NCAM1: variants seen among roughly 807,000 people sequenced by gnomAD.
NCAM1 encodes the protein antigen recognized by monoclonal antibody 5.1H11.
NCAM1 carries 14 observed loss-of-function variants against 109.8 expected under a neutral mutation model. The observed-to-expected ratio is 0.13, with a 90% CI of 0.08 to 0.20. NCAM1 has a LOEUF of 0.20. Among genes scored for constraint, NCAM1 ranks in the 10% least tolerant of loss-of-function variants. NCAM1 has a pLI of 1.00. For missense variants in NCAM1, 774 were observed against 1,109.9 expected (o/e 0.70, Z 4.30); for synonymous variants, 418 against 442.9 (o/e 0.94, Z 0.70).
intron 1 of NCAM1, among the ~76,000 whole-genome samples, chr11:113,155,965 C>A (rs1942397093): frequency 6.6e-6 from 1 of 152,100 alleles, no homozygotes; most frequent in African/African-American, 2.4e-5. Flanking sequence ...CAAAGGTGTG[C>A]ACAAAAGATT....
At chr11:113,218,251 A>G (rs1263132856) in intron 8 of NCAM1, among the ~76,000 whole-genome samples, 1 of 152,164 alleles carries the variant, frequency 6.6e-6, no homozygotes, top group East Asian at 1.9e-4. Context: ...GTTGACTAGA[A>G]CAAGGTCAAG....
At chr11:113,097,961 G>A (rs1489244223) in intron 1 of NCAM1, among the ~76,000 whole-genome samples, 2 of 152,106 alleles carry the variant, frequency 1.3e-5, no homozygotes. Flanking sequence ...ATGCTACCAA[G>A]CGCCAAGGCC....
At chr11:113,000,090 A>G (rs1480530149) in intron 1 of NCAM1, among the ~76,000 whole-genome samples, 1 of 152,186 alleles carries the variant, frequency 6.6e-6, no homozygotes, top group Non-Finnish European at 1.5e-5. Flanking sequence ...TCTGCCACTG[A>G]TTAATTAGCT....
intron 1 of NCAM1, among the ~76,000 whole-genome samples, chr11:113,186,202 G>A (rs1943503716): frequency 6.6e-6 from 1 of 152,230 alleles, no homozygotes; most frequent in Admixed American, 6.5e-5. Context: ...GGGCTGCACG[G>A]CAGGAGGTGA....
At chr11:113,153,135 C>T (rs1435511640) in intron 1 of NCAM1, among the ~76,000 whole-genome samples, 3 of 151,976 alleles carry the variant, frequency 2.0e-5, no homozygotes, top group Admixed American at 6.6e-5. Context: ...CTCCGCCTCC[C>T]GGGTTCAAGT....
chr11:113,277,906 G>A lies in NCAM1; in HGVS notation c.*2519G>A, dbSNP rs1360139333. The A allele has an allele frequency of 2.1e-5, 3 of 143,940 alleles. 1 individual carries two copies. Among genetic ancestry groups the A allele is most frequent in the South Asian group, 4.6e-4 (2 of 4,362 alleles). 8.9% of individuals were successfully genotyped at this position (143,940 alleles called of 1,614,324 possible). ...TGCTTTCTCTAAAATCAAAGAGGGA[G>A]TCATTTTATTCCAAGATGTTTTATC... On this transcript the variant is annotated 3_prime_UTR_variant, in exon 20 of 20. Coordinates refer to ENST00000316851, the MANE Select transcript of NCAM1 (RefSeq NM_181351.5).
At chr11:113,237,624 T>C (rs78504227) in intron 14 of NCAM1, among the ~76,000 whole-genome samples, 5,360 of 152,310 alleles carry the variant, frequency 0.035, 102 homozygotes, top group Middle Eastern at 0.068. Context: ...CTTCCCCTGA[T>C]CTTTAACTTG....
At chr11:113,224,266 C>T (rs78941641) in intron 9 of NCAM1, among the ~76,000 whole-genome samples, 18 of 152,332 alleles carry the variant, frequency 1.2e-4, no homozygotes, top group African/African-American at 3.4e-4. Flanking sequence ...TCTTAGCAAA[C>T]GGCACACCAG....
Position 113,010,733 on chromosome 11 carries a change from T to C in NCAM1, c.52+49069T>C, listed in dbSNP as rs534132458. Among the ~76,000 whole-genome samples, 6 of 152,324 alleles carry C rather than the reference T, an allele frequency of 3.9e-5. No individual in the cohort carries two copies. The East Asian group carries it at 1.2e-3, about 29-fold the overall frequency. ...AAATATTAATTTAATTAATTTCAAG[T>C]AATACATATTGAGTGTATAGTACTG... On this transcript the variant is annotated intron_variant, in intron 1 of 19. Transcript: ENST00000316851.
intron 1 of NCAM1, among the ~76,000 whole-genome samples, chr11:113,176,336 A>T (rs897580211): frequency 2.6e-5 from 4 of 152,210 alleles, no homozygotes; most frequent in Admixed American, 6.5e-5. Flanking sequence ...GGTGTATGGT[A>T]AAGATGGCTT....
chr11:113,159,664 A>T (rs1942532357), intron 1 of NCAM1, among the ~76,000 whole-genome samples: 1 of 151,960 alleles, frequency 6.6e-6, no homozygotes, highest in Non-Finnish European at 1.5e-5. Flanking sequence ...CGTTTTCTTT[A>T]TAGTCAAAGC....
intron 14 of NCAM1, among the ~76,000 whole-genome samples, chr11:113,243,366 A>T (rs1459197212): frequency 6.6e-6 from 1 of 152,154 alleles, no homozygotes; most frequent in Non-Finnish European, 1.5e-5. Flanking sequence ...TACGCAGAGC[A>T]CAGGGGAAGG....
chr11:113,238,955 C>G (rs1945250437), intron 14 of NCAM1, among the ~76,000 whole-genome samples: 1 of 152,208 alleles, frequency 6.6e-6, no homozygotes, highest in African/African-American at 2.4e-5. Context: ...TTGGCACTGA[C>G]TCATCGCTTG....
intron 1 of NCAM1, among the ~76,000 whole-genome samples, chr11:112,986,933 C>G (rs1445286036): frequency 6.6e-6 from 1 of 151,680 alleles, no homozygotes; most frequent in Non-Finnish European, 1.5e-5. Flanking sequence ...TTTAAATTAA[C>G]TTTGTGCTTA....
intron 16 of NCAM1, among the ~76,000 whole-genome samples, chr11:113,258,239 C>T (rs1386986101): frequency 1.3e-5 from 2 of 152,228 alleles, no homozygotes; most frequent in African/African-American, 4.8e-5. Context: ...AAGAGATGGG[C>T]TGTGCAATGG....
At chr11:113,008,590 T>A (rs1162444526) in intron 1 of NCAM1, among the ~76,000 whole-genome samples, 1 of 152,188 alleles carries the variant, frequency 6.6e-6, no homozygotes, top group Non-Finnish European at 1.5e-5. Flanking sequence ...TTCTCAAAAT[T>A]ATGGTTTTGA....
chr11:113,095,565 G>A (rs782005915), intron 1 of NCAM1, among the ~76,000 whole-genome samples: 12 of 152,200 alleles, frequency 7.9e-5, no homozygotes, highest in Non-Finnish European at 1.5e-4. Flanking sequence ...GAAGCCATGG[G>A]GGGACCACAC....
At chr11:112,964,397 T>C (rs1489127454) in intron 1 of NCAM1, among the ~76,000 whole-genome samples, 1 of 152,180 alleles carries the variant, frequency 6.6e-6, no homozygotes, top group Non-Finnish European at 1.5e-5. Flanking sequence ...TTTTGAAGAA[T>C]TGTTCGCTTG....
intron 1 of NCAM1, among the ~76,000 whole-genome samples, chr11:113,094,184 G>A (rs1341581533): frequency 6.6e-6 from 1 of 152,206 alleles, no homozygotes; most frequent in Non-Finnish European, 1.5e-5. Context: ...CATTTGGCCA[G>A]TAGGTAGTGG....
Sources: allele counts gnomAD v4.1 joint callset (sites outside exome capture counted in the v4.1 genomes callset), GRCh38; gene constraint gnomAD v4.1.1; transcripts MANE v1.5; gene names NCBI Gene and HGNC (gene_info 2026-07-23, HGNC 2026-07-21).